Variants in CASS4 observed in about 807,000 individuals in gnomAD.
CASS4 encodes Cas scaffold protein family member 4.
In CASS4, 22 loss-of-function variants were observed where a neutral mutation model predicts 54.2. That is an observed-to-expected ratio of 0.41 (90% CI 0.29 to 0.58). The LOEUF is 0.58. Among genes scored for constraint, CASS4 ranks in the 20% least tolerant of loss-of-function variants. The pLI, the probability that CASS4 is intolerant of heterozygous loss-of-function variation, is 0.36. For synonymous variants in CASS4, 409 were observed against 391.5 expected (o/e 1.04, Z -0.53); for missense variants, 854 against 986.7 (o/e 0.87, Z 1.80).
At position 56,458,410 on chromosome 20, in the gene CASS4, A is replaced by G. The variant is rs137992530; in HGVS notation, c.2024A>G (p.His675Arg). 285 of 1,614,004 alleles carry G rather than the reference A, an allele frequency of 1.8e-4. 1 individual carries two copies. The Middle Eastern group carries it at 1.8e-3, about 10-fold the overall frequency. The change falls in exon 6 of 6, where the codon CAC becomes CGC. Residue 675 changes from histidine to arginine, a missense_variant. Transcript: ENST00000679887. ...GAGAGGAAACCCCGCTTATCTGAACACTGCCGGCTCTACTTTGGGGCGCTC... is the reference window on the plus strand; with the variant it reads ...GAGAGGAAACCCCGCTTATCTGAACGCTGCCGGCTCTACTTTGGGGCGCTC... ...TPERKPRLSE[H>R]CRLYFGALFK... is the part of the protein sequence containing the mutation.
chr20:56,439,075 AG>A (rs1274975698), intron 2 of CASS4, among the ~76,000 whole-genome samples: 1 of 152,248 alleles, frequency 6.6e-6, no homozygotes, highest in Non-Finnish European at 1.5e-5. Context: ...GGCCTGGGGT[AG>A]GTGCTCAATA....
In CASS4 at chr20:56,427,005, A is replaced by G. The variant is rs555722792; in HGVS notation, c.37-10159A>G. Among the ~76,000 whole-genome samples, 103 of 152,156 alleles carry G rather than the reference A, an allele frequency of 6.8e-4. 2 individuals are homozygous for G. The highest frequency in any genetic ancestry group is 1.8e-3 in the Admixed American group (28 of 15,274). On this transcript the variant is annotated intron_variant, in intron 1 of 5. Coordinates refer to ENST00000679887, the MANE Select transcript of CASS4 (RefSeq NM_020356.4). ...ACACTTTCCAGATCATCTTTGCTGT[A>G]ACTCCCTAAGCTAGGCATGGTGATG...
Position 56,452,593 on chromosome 20 carries a change from G to C in CASS4, c.1417G>C (p.Glu473Gln). ...GAAGTGGAGATTCCGAGACTATCTG[G>C]AGGCCAACATTGATGCAATCCACAG... ...SRKWRFRDYLEANIDAIHRST... is the reference protein window; with the variant it reads ...SRKWRFRDYLQANIDAIHRST... The change falls in exon 5 of 6, where the codon GAG becomes CAG. Residue 473 changes from glutamate (E) to glutamine (Q), a missense_variant. Glu to Gln is a conservative substitution (Grantham distance 29). Transcript: ENST00000679887. 5 of 1,614,130 alleles carry C rather than the reference G, an allele frequency of 3.1e-6. No homozygotes were observed. Among genetic ancestry groups the C allele is most frequent in the Non-Finnish European group, 3.4e-6 (4 of 1,180,022 alleles).
intron 1 of CASS4, among the ~76,000 whole-genome samples, chr20:56,427,173 TAAA>T (rs78321980): frequency 4.7e-5 from 6 of 127,952 alleles, no homozygotes; most frequent in Admixed American, 8.0e-5. Flanking sequence ...CCCTGTCTCT[TAAA>T]AAAAAAAAAA....
At chr20:56,421,066 A>C (rs190770327) in intron 1 of CASS4, among the ~76,000 whole-genome samples, 3 of 152,354 alleles carry the variant, frequency 2.0e-5, no homozygotes, top group Admixed American at 2.0e-4. Context: ...AAGTTTGGTG[A>C]ACAAGCCTGA....
At chr20:56,419,677 C>T (rs1979324476) in intron 1 of CASS4, among the ~76,000 whole-genome samples, 1 of 152,022 alleles carries the variant, frequency 6.6e-6, no homozygotes, top group African/African-American at 2.4e-5. Flanking sequence ...GTGATTGGCC[C>T]ACCTCAGCTT....
intron 3 of CASS4, among the ~76,000 whole-genome samples, chr20:56,448,034 C>T (rs1465512851): frequency 6.6e-6 from 1 of 151,222 alleles, no homozygotes; most frequent in Non-Finnish European, 1.5e-5. Flanking sequence ...CCCAGCTACT[C>T]GGGAGGCTGA....
chr20:56,429,653 C>T (rs1979812004), intron 1 of CASS4, among the ~76,000 whole-genome samples: 1 of 152,168 alleles, frequency 6.6e-6, no homozygotes, highest in East Asian at 1.9e-4. Flanking sequence ...CCCTCACCCA[C>T]GCACTCCGGC....
At chr20:56,412,209 T>C (rs572794859), upstream of CASS4, 2 of 514,478 alleles carry the variant, frequency 3.9e-6, no homozygotes, top group Non-Finnish European at 6.9e-6. The surrounding 1 kb of genome is among the most constrained non-coding windows in gnomAD (Gnocchi z 4.2). Flanking sequence ...CGTCAGGCAT[T>C]GAGACGTGAG....
At chr20:56,447,269 C>T (rs1166158865) in intron 3 of CASS4, among the ~76,000 whole-genome samples, 1 of 152,018 alleles carries the variant, frequency 6.6e-6, no homozygotes, top group African/African-American at 2.4e-5. Context: ...CCTTGCTAGG[C>T]TCAGTTGAGA....
chr20:56,447,812 T>G (rs771191551), intron 3 of CASS4, among the ~76,000 whole-genome samples: 1 of 152,108 alleles, frequency 6.6e-6, no homozygotes, highest in Non-Finnish European at 1.5e-5. Flanking sequence ...TTTGCCATGA[T>G]AGACTCCAGG....
intron 5 of CASS4, among the ~76,000 whole-genome samples, chr20:56,455,424 G>A (rs1981243128): frequency 6.6e-6 from 1 of 152,174 alleles, no homozygotes. Context: ...AGAAAAGGAT[G>A]TCCAATGATA....
At chr20:56,420,643 C>T (rs6069737) in intron 1 of CASS4, among the ~76,000 whole-genome samples, 11,968 of 151,590 alleles carry the variant, frequency 0.079, 554 homozygotes, top group Middle Eastern at 0.15. Context: ...AGTCCTCCTG[C>T]CTCAGCCTCC....
In CASS4 at chr20:56,412,787, G is replaced by A. The variant is rs1362225552; in HGVS notation, c.36+293G>A. On this transcript the variant is annotated intron_variant, in intron 1 of 5. Coordinates refer to ENST00000679887, the MANE Select transcript of CASS4 (RefSeq NM_020356.4). This position sits in a 1 kb window ranked among gnomAD's most constrained non-coding sequence, Gnocchi z 4.2. ...CCAGCAAACTCCTGAAGCAAGATGC[G>A]AGTCTGCCTCAGCCCCCGCTAATTC... Among the ~76,000 whole-genome samples the A allele has an allele frequency of 1.3e-5, 2 of 152,114 alleles. No homozygotes were observed. The highest frequency in any genetic ancestry group is 1.9e-4 in the East Asian group (1 of 5,200).
intron 1 of CASS4, among the ~76,000 whole-genome samples, chr20:56,434,102 C>T (rs1980040889): frequency 6.6e-6 from 1 of 152,118 alleles, no homozygotes; most frequent in Admixed American, 6.5e-5. Context: ...GATTAGGGTA[C>T]AAGGAACTGT....
rs1433728649 is a variant in CASS4 at position 56,437,269 on chromosome 20, A to G, written c.142A>G (p.Ser48Gly). ...LTILEQHVPE[S>G]EGWWKCLLHG... is the part of the protein sequence containing the mutation. ...CATTCTGGAGCAACACGTGCCAGAA[A>G]GCGAGGGTTGGTGGAAGTGTTTGCT... The change falls in exon 2 of 6, where the codon AGC becomes GGC. Residue 48 changes from serine (S) to glycine (G), a missense_variant. By Grantham distance (56) the Ser-to-Gly change is moderately conservative. Coordinates refer to ENST00000679887, the MANE Select transcript of CASS4 (RefSeq NM_020356.4). The surrounding 1 kb of genome is among the most constrained non-coding windows in gnomAD (Gnocchi z 4.7). 6.2e-6 allele frequency: 10 copies of G among 1,613,986 alleles called. No individual in the cohort carries two copies. The Admixed American group carries it at 1.3e-4, about 22-fold the overall frequency.
intron 5 of CASS4, among the ~76,000 whole-genome samples, chr20:56,455,630 G>T (rs1160850571): frequency 1.3e-5 from 2 of 152,110 alleles, no homozygotes; most frequent in African/African-American, 4.8e-5. Flanking sequence ...TATGATCTTT[G>T]TTAAAACTCA....
chr20:56,455,205 CAGT>C (rs1394255282), intron 5 of CASS4, among the ~76,000 whole-genome samples: 1 of 151,404 alleles, frequency 6.6e-6, no homozygotes, highest in African/African-American at 2.4e-5. Context: ...TGGTCAATGA[CAGT>C]AGTTTTCCAT....
At chr20:56,441,370 C>A (rs1980448484) in intron 2 of CASS4, among the ~76,000 whole-genome samples, 1 of 151,034 alleles carries the variant, frequency 6.6e-6, no homozygotes, top group Admixed American at 6.6e-5. Context: ...TTTGGGAGGC[C>A]AAGGCGGGTG....
Sources: allele counts gnomAD v4.1 joint callset (sites outside exome capture counted in the v4.1 genomes callset), GRCh38; gene constraint gnomAD v4.1.1; non-coding constraint Gnocchi (gnomAD v3.1); transcripts MANE v1.5; gene names NCBI Gene and HGNC (gene_info 2026-07-23, HGNC 2026-07-21).